Variants in DSCAM observed in about 807,000 individuals in gnomAD.
The protein encoded by DSCAM is DS cell adhesion molecule.
Under a neutral mutation model 217.7 loss-of-function variants are expected in DSCAM, and 47 were observed. The observed-to-expected ratio is 0.22, with a 90% CI of 0.17 to 0.28. The LOEUF (loss-of-function observed/expected upper bound fraction) is 0.28, where lower values mean the gene tolerates loss of function less well. Among genes scored for constraint, DSCAM ranks in the 10% least tolerant of loss-of-function variants. DSCAM has a pLI of 1.00. For missense variants in DSCAM, 2,080 were observed against 2,618.3 expected, an observed-to-expected ratio of 0.79 and a Z score of 4.49; for synonymous variants, 1,056 against 1,015.3, an observed-to-expected ratio of 1.04 and a Z score of -0.76.
At position 40,560,336 on chromosome 21, in the gene DSCAM, A is replaced by AG. The variant is rs150703624; in HGVS notation, c.508+132473dup. Among the ~76,000 whole-genome samples, 5 of 152,192 alleles carry AG rather than the reference A, an allele frequency of 3.3e-5. No homozygotes were observed. The East Asian group carries it at 7.8e-4, about 24-fold the overall frequency. On this transcript the variant is annotated intron_variant, in intron 3 of 32. Coordinates refer to ENST00000400454, the MANE Select transcript of DSCAM (RefSeq NM_001389.5). ...AGCAGTCAGGTAGGCAGGTGGCTCC[A>AG]GGGGGACCCCCTGTGTGGGGTGGAA...
chr21:40,062,303 G>A (rs750949218), intron 28 of DSCAM, among the ~76,000 whole-genome samples: 4 of 152,154 alleles, frequency 2.6e-5, no homozygotes, highest in East Asian at 1.9e-4. Flanking sequence ...TCCCCTCCAC[G>A]GTTATGAATG....
intron 3 of DSCAM, among the ~76,000 whole-genome samples, chr21:40,496,808 G>T (rs2076122110): frequency 6.6e-6 from 1 of 151,988 alleles, no homozygotes; most frequent in Non-Finnish European, 1.5e-5. Flanking sequence ...GAAACAAATA[G>T]CCTAATTAAA....
intron 8 of DSCAM, among the ~76,000 whole-genome samples, chr21:40,315,402 TC>T (rs2074185349): frequency 7.2e-6 from 1 of 139,330 alleles, no homozygotes; most frequent in African/African-American, 2.9e-5. Flanking sequence ...AAACTCCGTC[TC>T]AAAAAAAAAA....
At position 40,062,843 on chromosome 21, in the gene DSCAM, T is replaced by C. The variant is rs554143913; in HGVS notation, c.4919+26A>G. 3.8e-5 allele frequency: 60 copies of C among 1,571,396 alleles called. 1 individual carries two copies. The African/African-American group carries it at 6.2e-4, about 16-fold the overall frequency. On this transcript the variant is annotated intron_variant, in intron 28 of 32. Coordinates refer to ENST00000400454, the MANE Select transcript of DSCAM (RefSeq NM_001389.5). ...GGAAATTGTTCTTTCAAACATGATA[T>C]CTGGGGTGCTAGGTCTTGTTCTTAC...
At chr21:40,332,767 C>T (rs369672411) in intron 8 of DSCAM, among the ~76,000 whole-genome samples, 1 of 152,052 alleles carries the variant, frequency 6.6e-6, no homozygotes, top group Non-Finnish European at 1.5e-5. Context: ...TAAGCTTCAA[C>T]CACCATCAAT....
intron 16 of DSCAM, among the ~76,000 whole-genome samples, chr21:40,151,543 G>A (rs1261652941): frequency 6.6e-6 from 1 of 152,222 alleles, no homozygotes; most frequent in Non-Finnish European, 1.5e-5. Flanking sequence ...AGATATTCTT[G>A]CAGATGGAGA....
rs570707160 is a variant in DSCAM at position 40,607,615 on chromosome 21, G to A, written c.508+85195C>T. Among the ~76,000 whole-genome samples, 134 of 151,998 alleles carry A rather than the reference G, an allele frequency of 8.8e-4. 3 individuals are homozygous for A. The Middle Eastern group carries it at 0.01, about 12-fold the overall frequency. On this transcript the variant is annotated intron_variant, in intron 3 of 32. Transcript: ENST00000400454. The stretch of plus-strand genomic sequence containing the variant: ...AGGTAATGGAAACATGGGCGGGTGG[G>A]GGTTTCCCTCACACTGTTCTCATGC...
In DSCAM at chr21:40,637,194, A is replaced by T. The variant is rs866982503; in HGVS notation, c.508+55616T>A. Among the ~76,000 whole-genome samples the T allele has an allele frequency of 6.5e-3, 103 of 15,822 alleles. 4 individuals carry two copies. Among genetic ancestry groups the T allele is most frequent in the Middle Eastern group, 0.031 (1 of 32 alleles). 10.4% of individuals were successfully genotyped at this position (15,822 alleles called of 152,430 possible). ...ATATATATAAATATATATAAATATAAATATATATATAAATATATATAAATA... is the reference window on the plus strand; with the variant it reads ...ATATATATAAATATATATAAATATATATATATATATAAATATATATAAATA... On this transcript the variant is annotated intron_variant, in intron 3 of 32. Transcript: ENST00000400454.
At chr21:40,302,604 C>A (rs567289458) in intron 9 of DSCAM, among the ~76,000 whole-genome samples, 1 of 152,264 alleles carries the variant, frequency 6.6e-6, no homozygotes, top group Non-Finnish European at 1.5e-5. Flanking sequence ...CTCCAAGATG[C>A]AATATGGCTA....
At chr21:40,688,059 A>C (rs182466683) in intron 3 of DSCAM, among the ~76,000 whole-genome samples, 139 of 152,322 alleles carry the variant, frequency 9.1e-4, no homozygotes, top group African/African-American at 2.8e-3. Flanking sequence ...ACCTGAACTC[A>C]ATGATCCTAA....
intron 1 of DSCAM, among the ~76,000 whole-genome samples, chr21:40,736,785 G>C (rs148918349): frequency 6.6e-6 from 1 of 152,070 alleles, no homozygotes; most frequent in East Asian, 1.9e-4. Context: ...AACATATACT[G>C]AAGTTACAAT....
intron 1 of DSCAM, among the ~76,000 whole-genome samples, chr21:40,738,432 A>C (rs2091086937): frequency 6.6e-6 from 1 of 152,076 alleles, no homozygotes; most frequent in Non-Finnish European, 1.5e-5. Flanking sequence ...TAACAAATAA[A>C]CCCCAGAATT....
chr21:40,594,683 A>C (rs2077008214), intron 3 of DSCAM, among the ~76,000 whole-genome samples: 1 of 152,036 alleles, frequency 6.6e-6, no homozygotes, highest in Admixed American at 6.6e-5. Flanking sequence ...CCATAATCAT[A>C]ATCAATAACT....
chr21:40,764,247 A>G (rs576953646), intron 1 of DSCAM, among the ~76,000 whole-genome samples: 1 of 152,246 alleles, frequency 6.6e-6, no homozygotes, highest in African/African-American at 2.4e-5. Context: ...CAAATTTACA[A>G]GAAAAAAACA....
At chr21:40,118,959 C>A (rs1471384018) in intron 20 of DSCAM, among the ~76,000 whole-genome samples, 1 of 152,114 alleles carries the variant, frequency 6.6e-6, no homozygotes, top group Non-Finnish European at 1.5e-5. Flanking sequence ...CAGATTCTGG[C>A]TCGTGATTTG....
Position 40,158,328 on chromosome 21 carries a change from T to G in DSCAM, c.3018+8890A>C, listed in dbSNP as rs547276988. Among the ~76,000 whole-genome samples the G allele has an allele frequency of 2.0e-5, 3 of 152,132 alleles. No individual in the cohort carries two copies. In the South Asian group the frequency reaches 6.2e-4, roughly 32 times the overall value. ...TCACATGAGCCTGGAAGGTCAAGGC[T>G]GCAGTGAGCCAGGATGGTGCCACTA... On this transcript the variant is annotated intron_variant, in intron 16 of 32. Transcript: ENST00000400454.
At chr21:40,246,406 T>TGG (rs1429251387) in intron 11 of DSCAM, among the ~76,000 whole-genome samples, 1 of 107,812 alleles carries the variant, frequency 9.3e-6, no homozygotes, top group Non-Finnish European at 1.7e-5. Context: ...CTAGGTGTGG[T>TGG]GGTGCATGCC....
intron 1 of DSCAM, among the ~76,000 whole-genome samples, chr21:40,741,276 T>C (rs1462608520): frequency 9.9e-5 from 15 of 152,192 alleles, no homozygotes; most frequent in Admixed American, 9.2e-4. Flanking sequence ...TACAGTGAAA[T>C]GCTGTTGGAC....
intron 20 of DSCAM, among the ~76,000 whole-genome samples, chr21:40,114,895 A>G (rs1359015871): frequency 6.6e-6 from 1 of 152,236 alleles, no homozygotes; most frequent in African/African-American, 2.4e-5. Context: ...AATGGCTATC[A>G]TTAAAAAGTC....
Sources: allele counts gnomAD v4.1 joint callset (sites outside exome capture counted in the v4.1 genomes callset), GRCh38; gene constraint gnomAD v4.1.1; transcripts MANE v1.5; gene names NCBI Gene and HGNC (gene_info 2026-07-23, HGNC 2026-07-21).